TTC28: variants seen among roughly 807,000 people sequenced by gnomAD.
TTC28 encodes the protein tetratricopeptide repeat domain 28, also known as tetratricopeptide repeat protein 28.
In TTC28, 61 loss-of-function variants were observed where a neutral mutation model predicts 198.0. The observed-to-expected ratio is 0.31, with a 90% confidence interval of 0.25 to 0.38. The LOEUF (loss-of-function observed/expected upper bound fraction) is 0.38, where lower values mean the gene tolerates loss of function less well. Ranked by LOEUF, TTC28 falls within the 10% of genes least tolerant of loss-of-function variation. The probability of loss-of-function intolerance (pLI) is 1.00; values close to 1 mark genes in which losing one functional copy is unlikely to be tolerated. For synonymous variants in TTC28, 1,171 were observed against 1,297.8 expected (o/e 0.90, Z 2.10); for missense variants, 2,678 against 3,164.0 (o/e 0.85, Z 3.69).
At chr22:28,320,559 T>G (rs2045430052) in intron 2 of TTC28, among the ~76,000 whole-genome samples, 1 of 152,224 alleles carries the variant, frequency 6.6e-6, no homozygotes, top group South Asian at 2.1e-4. Context: ...TTCTAATTCC[T>G]TTTTAAAATA....
chr22:28,009,301 C>T (rs1938046016), intron 14 of TTC28, among the ~76,000 whole-genome samples: 1 of 152,224 alleles, frequency 6.6e-6, no homozygotes, highest in African/African-American at 2.4e-5. Flanking sequence ...AGTCCCTTAG[C>T]AATAGGACTG....
chr22:28,444,956 A>T (rs2047681117), intron 2 of TTC28, among the ~76,000 whole-genome samples: 1 of 152,218 alleles, frequency 6.6e-6, no homozygotes, highest in Admixed American at 6.5e-5. Flanking sequence ...CATTCTGGAC[A>T]ACTTTACTTG....
intron 12 of TTC28, among the ~76,000 whole-genome samples, chr22:28,085,073 G>A (rs1000592501): frequency 6.6e-6 from 1 of 151,958 alleles, no homozygotes; most frequent in African/African-American, 2.4e-5. Flanking sequence ...TGGAACCAAG[G>A]TGGAAAACAC....
At chr22:28,520,521 A>G (rs900691176) in intron 2 of TTC28, among the ~76,000 whole-genome samples, 4 of 152,190 alleles carry the variant, frequency 2.6e-5, no homozygotes, top group Non-Finnish European at 5.9e-5. Flanking sequence ...TGGCAGACCA[A>G]CTCACCTATC....
intron 5 of TTC28, among the ~76,000 whole-genome samples, chr22:28,295,008 A>C (rs2044865785): frequency 6.6e-6 from 1 of 151,906 alleles, no homozygotes; most frequent in Non-Finnish European, 1.5e-5. Flanking sequence ...CTCTCATTTC[A>C]CTCCCTGAAC....
intron 21 of TTC28, among the ~76,000 whole-genome samples, chr22:27,987,709 CA>C (rs561753372): frequency 8.9e-4 from 128 of 144,240 alleles, no homozygotes; most frequent in Non-Finnish European, 8.1e-4. Flanking sequence ...ACCCTGTCTC[CA>C]AAAAAAAAAA....
At chr22:28,454,939 T>C (rs1447495283) in intron 2 of TTC28, among the ~76,000 whole-genome samples, 2 of 152,228 alleles carry the variant, frequency 1.3e-5, no homozygotes, top group Non-Finnish European at 2.9e-5. Flanking sequence ...GCCACCCATA[T>C]GAAAACATGA....
chr22:28,530,589 C>G (rs1177351108), intron 2 of TTC28, among the ~76,000 whole-genome samples: 1 of 152,090 alleles, frequency 6.6e-6, no homozygotes, highest in Admixed American at 6.6e-5. Context: ...AGAAGAGCAA[C>G]TCTAAGACAC....
intron 5 of TTC28, among the ~76,000 whole-genome samples, chr22:28,231,249 A>G (rs1252846543): frequency 1.3e-5 from 2 of 152,222 alleles, no homozygotes; most frequent in African/African-American, 4.8e-5. Context: ...ATGTAAACAA[A>G]TGCTTTAACA....
chr22:28,477,147 G>T (rs2048178949), intron 2 of TTC28, among the ~76,000 whole-genome samples: 1 of 152,132 alleles, frequency 6.6e-6, no homozygotes, highest in Non-Finnish European at 1.5e-5. Flanking sequence ...GGACATGAAG[G>T]CACTTTATAA....
intron 2 of TTC28, among the ~76,000 whole-genome samples, chr22:28,364,159 G>C (rs1238374245): frequency 6.6e-6 from 1 of 152,194 alleles, no homozygotes; most frequent in African/African-American, 2.4e-5. Context: ...GACCCAGTGG[G>C]AGGTAACTGA....
At chr22:28,470,262 G>A (rs941007331) in intron 2 of TTC28, among the ~76,000 whole-genome samples, 1 of 152,184 alleles carries the variant, frequency 6.6e-6, no homozygotes, top group African/African-American at 2.4e-5. Flanking sequence ...GAGACTAAGA[G>A]GTGGCTGGCT....
intron 5 of TTC28, among the ~76,000 whole-genome samples, chr22:28,243,552 A>G (rs977393367): frequency 2.0e-5 from 3 of 151,892 alleles, no homozygotes; most frequent in Non-Finnish European, 4.4e-5. Flanking sequence ...ACACTGTGTG[A>G]GTTTTGATGC....
chr22:28,046,522 T>C (rs1939866041), intron 12 of TTC28, among the ~76,000 whole-genome samples: 1 of 152,240 alleles, frequency 6.6e-6, no homozygotes, highest in Non-Finnish European at 1.5e-5. Flanking sequence ...TGTATGACAT[T>C]GTTGACCAAA....
rs1322670882 is a variant in TTC28 at position 27,982,960 on chromosome 22, G to C, written c.6707C>G (p.Pro2236Arg). The change falls in exon 23 of 23, where the codon CCA becomes CGA. Residue 2236 changes from proline (P) to arginine (R), a missense_variant. Transcript: ENST00000397906. This position sits in a 1 kb window ranked among gnomAD's most constrained non-coding sequence, Gnocchi z 5.2. ...PSPVTVKPKP[P>R]ARSSSLPKVS... ...CTTGGGCAGGGAGGAGCTCCTGGCTGGGGGCTTTGGTTTAACAGTGACTGG... is the reference window on the plus strand; with the variant it reads ...CTTGGGCAGGGAGGAGCTCCTGGCTCGGGGCTTTGGTTTAACAGTGACTGG... 1 of 1,551,678 alleles carries C rather than the reference G, an allele frequency of 6.4e-7. No homozygotes were observed. The highest frequency in any genetic ancestry group is 1.2e-5 in the South Asian group (1 of 84,056).
At chr22:28,062,826 A>G (rs1362143223) in intron 12 of TTC28, among the ~76,000 whole-genome samples, 2 of 152,116 alleles carry the variant, frequency 1.3e-5, no homozygotes, top group African/African-American at 4.8e-5. Context: ...CATTGTGAGC[A>G]TAGTTCATTG....
At chr22:28,191,440 G>A (rs933931063) in intron 5 of TTC28, among the ~76,000 whole-genome samples, 3 of 152,226 alleles carry the variant, frequency 2.0e-5, no homozygotes, top group Admixed American at 6.5e-5. Flanking sequence ...CGGACAGTGG[G>A]TGCAGGTCAG....
chr22:28,085,086 TG>T (rs766575192), intron 12 of TTC28, among the ~76,000 whole-genome samples: 2 of 152,198 alleles, frequency 1.3e-5, no homozygotes, highest in Non-Finnish European at 1.5e-5. Flanking sequence ...GAAAACACTC[TG>T]CAGGATATTA....
chr22:28,025,377 C>T (rs1052404448), intron 13 of TTC28, among the ~76,000 whole-genome samples: 3 of 152,222 alleles, frequency 2.0e-5, no homozygotes, highest in African/African-American at 7.2e-5. Flanking sequence ...GTCACCTTAA[C>T]AAAGGGCAGA....
Sources: allele counts gnomAD v4.1 joint callset (sites outside exome capture counted in the v4.1 genomes callset), GRCh38; gene constraint gnomAD v4.1.1; non-coding constraint Gnocchi (gnomAD v3.1); transcripts MANE v1.5; gene names NCBI Gene and HGNC (gene_info 2026-07-23, HGNC 2026-07-21).